POLR3B: variants seen among roughly 807,000 people sequenced by gnomAD.
The protein encoded by POLR3B is DNA-directed RNA polymerase III subunit RPC2.
POLR3B carries 96 observed loss-of-function variants against 147.4 expected under a neutral mutation model. The ratio of observed to expected loss-of-function variants is 0.65; its 90% CI spans 0.55 to 0.77. The LOEUF (loss-of-function observed/expected upper bound fraction) is 0.77, where lower values mean the gene tolerates loss of function less well. Ranked by LOEUF, POLR3B falls within the 30% of genes least tolerant of loss-of-function variation. The probability of loss-of-function intolerance (pLI) is 0.00; values close to 1 mark genes in which losing one functional copy is unlikely to be tolerated. For missense variants in POLR3B, 1,036 were observed against 1,413.5 expected (o/e 0.73, Z 4.28); for synonymous variants, 461 against 485.9 (o/e 0.95, Z 0.67).
chr12:106,471,460 C>T (rs1052810221), intron 23 of POLR3B, among the ~76,000 whole-genome samples: 10 of 152,126 alleles, frequency 6.6e-5, no homozygotes, highest in African/African-American at 1.2e-4. Context: ...GCTTGCCTTC[C>T]GTGAGGTGCA....
At chr12:106,465,127 G>A (rs575285165) in intron 23 of POLR3B, among the ~76,000 whole-genome samples, 3 of 152,250 alleles carry the variant, frequency 2.0e-5, no homozygotes, top group African/African-American at 7.2e-5. Flanking sequence ...TATTGAAACT[G>A]TTTCCCCTTT....
chr12:106,482,598 T>C (rs1398838917), intron 23 of POLR3B, among the ~76,000 whole-genome samples: 3 of 152,126 alleles, frequency 2.0e-5, no homozygotes, highest in Admixed American at 6.5e-5. Flanking sequence ...GGAATCCACC[T>C]CATGATCCAA....
intron 17 of POLR3B, 48 bp downstream of exon 17, chr12:106,437,179 C>T (rs777304374): frequency 8.4e-7 from 1 of 1,191,474 alleles, no homozygotes; most frequent in Non-Finnish European, 1.2e-6. Flanking sequence ...TACCCACATA[C>T]ATGATTTAAG....
intron 9 of POLR3B, among the ~76,000 whole-genome samples, chr12:106,389,443 A>G (rs943453733): frequency 1.3e-5 from 2 of 152,208 alleles, no homozygotes; most frequent in Non-Finnish European, 2.9e-5. Context: ...CTGTTAGGAC[A>G]TTTGAGAATT....
At chr12:106,498,784 C>T (rs1292095437) in intron 25 of POLR3B, among the ~76,000 whole-genome samples, 2 of 152,168 alleles carry the variant, frequency 1.3e-5, no homozygotes, top group Non-Finnish European at 2.9e-5. Context: ...CGAGGTTTCG[C>T]CAAGTTGGCC....
intron 24 of POLR3B, 54 bp downstream of exon 24, chr12:106,496,212 G>A: frequency 9.5e-7 from 1 of 1,056,198 alleles, no homozygotes; most frequent in Non-Finnish European, 1.5e-6. Context: ...GAAGCAGGCA[G>A]TTAGTTTAGT....
At chr12:106,379,728 G>A (rs2036734070) in intron 8 of POLR3B, among the ~76,000 whole-genome samples, 1 of 152,150 alleles carries the variant, frequency 6.6e-6, no homozygotes, top group African/African-American at 2.4e-5. Context: ...GCTCTACACT[G>A]GATCAAAGTA....
intron 8 of POLR3B, 44 bp from the exon 9 acceptor site, chr12:106,379,987 A>G: frequency 9.0e-7 from 1 of 1,110,164 alleles, no homozygotes. Flanking sequence ...ACTAGCTTGA[A>G]ACTAAGTGGG....
At chr12:106,418,530 A>ATTC (rs1451976319) in intron 12 of POLR3B, among the ~76,000 whole-genome samples, 1 of 152,240 alleles carries the variant, frequency 6.6e-6, no homozygotes, top group African/African-American at 2.4e-5. Flanking sequence ...CCTAATTAGA[A>ATTC]TTCTCTGACA....
At chr12:106,459,468 A>G (rs2037907928) in intron 22 of POLR3B, 100 bp downstream of exon 22, 1 of 764,976 alleles carries the variant, frequency 1.3e-6, no homozygotes, top group Non-Finnish European at 2.4e-6. Flanking sequence ...GAGAACTAGA[A>G]ATAGCAATTT....
intron 23 of POLR3B, among the ~76,000 whole-genome samples, chr12:106,495,018 G>A (rs2038458568): frequency 6.6e-6 from 1 of 152,156 alleles, no homozygotes; most frequent in Admixed American, 6.5e-5. Context: ...TTTGAGAGCA[G>A]TTTCTTTGCA....
intron 25 of POLR3B, chr12:106,500,012 C>T (rs2038572172): frequency 2.2e-6 from 1 of 447,648 alleles, no homozygotes; most frequent in Non-Finnish European, 4.5e-6. Flanking sequence ...CAAATCAGAC[C>T]AGTGTTGCAG....
chr12:106,396,063 T>C (rs1240723010), intron 10 of POLR3B, among the ~76,000 whole-genome samples: 2 of 152,180 alleles, frequency 1.3e-5, no homozygotes, highest in African/African-American at 4.8e-5. Context: ...ATCATTGTCT[T>C]GGGCTCTAGT....
rs376166938 is a variant in POLR3B, at chr12:106,405,874, G to T, written c.864G>T (p.Gly288=). Residue 288 remains glycine (G), a synonymous_variant, in exon 11 of 28, where the codon GGG becomes GGT. Transcript: ENST00000228347. Reference sequence around the variant, plus strand: ...TTTTATAGGCATTAAAATATATAGGGAACAAAGTAAGAAGGCAAAGGATGT... The same window carrying T: ...TTTTATAGGCATTAAAATATATAGGTAACAAAGTAAGAAGGCAAAGGATGT... ...FTQMQALKYI[G]NKVRRQRMWG... is the part of the protein sequence containing the mutation. 7 of 1,613,050 alleles carry T rather than the reference G, an allele frequency of 4.3e-6. No individual in the cohort carries two copies. Among genetic ancestry groups the T allele is most frequent in the Non-Finnish European group, 5.9e-6 (7 of 1,179,198 alleles).
At chr12:106,399,909 G>T (rs1021693605) in intron 10 of POLR3B, among the ~76,000 whole-genome samples, 8 of 152,200 alleles carry the variant, frequency 5.3e-5, no homozygotes, top group Non-Finnish European at 1.0e-4. Flanking sequence ...GTCAAGGCTA[G>T]GAAGAAACTG....
chr12:106,400,380 T>C (rs2037045093), intron 10 of POLR3B, among the ~76,000 whole-genome samples: 1 of 152,160 alleles, frequency 6.6e-6, no homozygotes, highest in Non-Finnish European at 1.5e-5. Flanking sequence ...CACACAATAA[T>C]AATGGGAGAC....
chr12:106,386,735 G>A (rs907441276), intron 9 of POLR3B, among the ~76,000 whole-genome samples: 10 of 152,018 alleles, frequency 6.6e-5, no homozygotes, highest in African/African-American at 2.2e-4. Flanking sequence ...GTGAAACCCC[G>A]TCTTTACTAA....
chr12:106,396,545 T>C (rs2036982484), intron 10 of POLR3B, among the ~76,000 whole-genome samples: 1 of 152,102 alleles, frequency 6.6e-6, no homozygotes, highest in African/African-American at 2.4e-5. Flanking sequence ...AAAACATACA[T>C]GTAAATAGAT....
Position 106,430,473 on chromosome 12 carries a change from G to T in POLR3B, c.1464G>T (p.Glu488Asp), listed in dbSNP as rs908834029. The T allele has an allele frequency of 1.2e-6, 2 of 1,610,698 alleles. No homozygotes were observed. The highest frequency in any genetic ancestry group is 3.3e-5 in the Admixed American group (2 of 59,980). ...GTCCTTCGGACACTCCTGAAGGAGA[G>T]GTAAGGAATCTGAGGAGTCTTGATG... ...MLCPSDTPEG[E>D]ACGLVKNLAL... Residue 488 changes from glutamate to aspartate, a missense_variant and splice_region_variant, in exon 14 of 28, where the codon GAG becomes GAT. This residue lies in a region of POLR3B where 177 missense variants were observed against 232.7 expected (regional missense o/e 0.76). Transcript: ENST00000228347.
Sources: gnomAD v4.1 joint callset for allele counts (sites outside exome capture counted in the v4.1 genomes callset) on GRCh38, gnomAD v4.1.1 for gene constraint, gnomAD v4.1.1 regional missense constraint, MANE v1.5 for transcripts, NCBI Gene and HGNC (gene_info 2026-07-23, HGNC 2026-07-21) for gene names.